RPRD1B: variants seen among roughly 807,000 people sequenced by gnomAD.
The protein encoded by RPRD1B is regulation of nuclear pre-mRNA domain-containing protein 1B.
Under a neutral mutation model 41.5 loss-of-function variants are expected in RPRD1B, and 11 were observed. The ratio of observed to expected loss-of-function variants is 0.27; its 90% confidence interval spans 0.17 to 0.44. RPRD1B has a LOEUF of 0.44. Ranked by LOEUF, RPRD1B falls within the 20% of genes least tolerant of loss-of-function variation. The probability of loss-of-function intolerance (pLI) is 1.00; values close to 1 mark genes in which losing one functional copy is unlikely to be tolerated. For synonymous variants in RPRD1B, 158 were observed against 155.6 expected, an observed-to-expected ratio of 1.02 and a Z score of -0.12; for missense variants, 248 against 389.9, an observed-to-expected ratio of 0.64 and a Z score of 3.06.
chr20:38,052,752 G>GTTT (rs146687415), intron 3 of RPRD1B, among the ~76,000 whole-genome samples: 6 of 81,696 alleles, frequency 7.3e-5, no homozygotes, highest in East Asian at 3.9e-4. Context: ...CAAACGCGGT[G>GTTT]TTTTTTTTTT....
intron 6 of RPRD1B, among the ~76,000 whole-genome samples, chr20:38,088,282 T>C (rs1333329840): frequency 6.6e-6 from 1 of 152,254 alleles, no homozygotes; most frequent in Non-Finnish European, 1.5e-5. Context: ...AGACATTCTC[T>C]AGCTTCTACT....
rs534678671 is a variant in RPRD1B at position 38,078,015 on chromosome 20, A to G, written c.832-11711A>G. On this transcript the variant is annotated intron_variant, in intron 6 of 6. Coordinates refer to ENST00000373433, the MANE Select transcript of RPRD1B (RefSeq NM_021215.4). ...ACATGGCAAAACCCCGTCTCTATCA[A>G]AAATTAAAAAATTAGCTGGGCATCG... Among the ~76,000 whole-genome samples the G allele has an allele frequency of 3.3e-5, 5 of 152,168 alleles. No homozygotes were observed. The East Asian group carries it at 9.7e-4, about 29-fold the overall frequency.
At position 38,072,066 on chromosome 20, in the gene RPRD1B, T is replaced by C. The variant is rs1336454820; in HGVS notation, c.831+5810T>C. Among the ~76,000 whole-genome samples, 3 of 152,216 alleles carry C rather than the reference T, an allele frequency of 2.0e-5. No individual in the cohort carries two copies. In the East Asian group the frequency reaches 5.8e-4, roughly 29 times the overall value. On this transcript the variant is annotated intron_variant, in intron 6 of 6. Transcript: ENST00000373433. ...TTGTGGTTGTTGCTCATGCTTTTGG[T>C]GTCACATGTAATAATCTGTTGCCAA...
intron 2 of RPRD1B, among the ~76,000 whole-genome samples, chr20:38,043,025 T>C (rs1219960993): frequency 1.3e-5 from 2 of 152,204 alleles, no homozygotes; most frequent in African/African-American, 4.8e-5. Flanking sequence ...TCATTCAACA[T>C]GTATTGGAGT....
At chr20:38,060,218 A>C (rs2074283540) in intron 5 of RPRD1B, among the ~76,000 whole-genome samples, 1 of 152,232 alleles carries the variant, frequency 6.6e-6, no homozygotes, top group South Asian at 2.1e-4. Context: ...CCAAGGTCAC[A>C]CAAGTAGTGG....
At chr20:38,044,406 C>T (rs1276239321) in intron 2 of RPRD1B, among the ~76,000 whole-genome samples, 1 of 135,646 alleles carries the variant, frequency 7.4e-6, no homozygotes, top group Non-Finnish European at 1.5e-5. Flanking sequence ...CGGAGTCTCA[C>T]TCTGTCGCCC....
In RPRD1B at chr20:38,070,237, G is replaced by T. The variant is rs1053304628; in HGVS notation, c.831+3981G>T. ...ACTTTTGCTTCAGGGTGTCATGATT[G>T]ACTTTGGCCTATGATGTTGGCCCTT... On this transcript the variant is annotated intron_variant, in intron 6 of 6. Transcript: ENST00000373433. 4 of 985,144 alleles carry T rather than the reference G, an allele frequency of 4.1e-6. No individual in the cohort carries two copies. In the African/African-American group the frequency reaches 5.2e-5, roughly 13 times the overall value. 61.0% of individuals were successfully genotyped at this position (985,144 alleles called of 1,614,324 possible).
intron 6 of RPRD1B, among the ~76,000 whole-genome samples, chr20:38,079,061 T>C (rs1226526603): frequency 6.6e-6 from 1 of 151,540 alleles, no homozygotes; most frequent in Non-Finnish European, 1.5e-5. Context: ...ATGGGAGGGG[T>C]GAGTGTTCTT....
chr20:38,069,333 C>G (rs1412687571), intron 6 of RPRD1B, among the ~76,000 whole-genome samples: 1 of 152,160 alleles, frequency 6.6e-6, no homozygotes, highest in East Asian at 1.9e-4. Context: ...AACCAAACCA[C>G]TTGATCGTAC....
chr20:38,082,145 CTTTATATG>C (rs2074518480), intron 6 of RPRD1B, among the ~76,000 whole-genome samples: 1 of 152,064 alleles, frequency 6.6e-6, no homozygotes. Flanking sequence ...ACCAGCTCTT[CTTTATATG>C]TCTGGTAGAT....
At chr20:38,062,566 C>T (rs1181757378) in intron 5 of RPRD1B, among the ~76,000 whole-genome samples, 5 of 152,112 alleles carry the variant, frequency 3.3e-5, no homozygotes, top group Admixed American at 1.3e-4. Flanking sequence ...CTCATCATTC[C>T]TGTTGATTGG....
chr20:38,039,082 A>G (rs1219706703), intron 1 of RPRD1B, among the ~76,000 whole-genome samples: 4 of 152,250 alleles, frequency 2.6e-5, no homozygotes, highest in African/African-American at 7.2e-5. Flanking sequence ...CATAGAAGCC[A>G]GGGAATTCAG....
At chr20:38,081,181 A>ATTTTTCCTATCCATGAGCATAGAAG (rs148753169) in intron 6 of RPRD1B, among the ~76,000 whole-genome samples, 36,115 of 151,040 alleles carry the variant, frequency 0.24, 5,324 homozygotes, top group African/African-American at 0.43. Context: ...AACAATATTG[A>ATTTTTCCTATCCATGAGCATAGAAG]TTTTTCCTAT....
At chr20:38,038,169 G>C (rs189169789) in intron 1 of RPRD1B, among the ~76,000 whole-genome samples, 93 of 152,252 alleles carry the variant, frequency 6.1e-4, no homozygotes, top group African/African-American at 2.2e-3. Context: ...TCTAAACTAG[G>C]TTATTACCAG....
intron 3 of RPRD1B, among the ~76,000 whole-genome samples, chr20:38,049,378 T>C (rs1320970491): frequency 5.7e-5 from 8 of 140,992 alleles, no homozygotes; most frequent in Admixed American, 2.1e-4. Context: ...TTTTTTTTTT[T>C]TTTTTTTTTT....
Position 38,089,982 on chromosome 20 carries a change from GC to G in RPRD1B, c.*113del. On this transcript the variant is annotated 3_prime_UTR_variant, in exon 7 of 7. Transcript: ENST00000373433. ...CTGGTTCTATCCCTTCTTCCGCCCA[GC>G]CCCCCAGCCTCAAGAAAGAACCTCA... 1 of 1,491,660 alleles carries G rather than the reference GC, an allele frequency of 6.7e-7. No individual in the cohort carries two copies. The highest frequency in any genetic ancestry group is 1.4e-5 in the South Asian group (1 of 71,664). 92.4% of individuals were successfully genotyped at this position (1,491,660 alleles called of 1,614,324 possible). A position where few individuals can be genotyped will look rare whatever the true frequency, so the allele number is the denominator to read the frequency against.
intron 2 of RPRD1B, among the ~76,000 whole-genome samples, chr20:38,046,044 C>G (rs1024072848): frequency 8.5e-5 from 13 of 152,182 alleles, no homozygotes; most frequent in African/African-American, 3.1e-4. Flanking sequence ...ACTCCTTTCC[C>G]TTTGCCTTGT....
intron 6 of RPRD1B, among the ~76,000 whole-genome samples, chr20:38,075,514 G>C (rs920578219): frequency 1.3e-5 from 2 of 152,192 alleles, no homozygotes; most frequent in Non-Finnish European, 2.9e-5. Flanking sequence ...GTTTGACCTA[G>C]TGGGTGCAAG....
intron 3 of RPRD1B, 69 bp downstream of exon 3, chr20:38,048,550 CAGTGGGGTTT>C: frequency 6.5e-7 from 1 of 1,539,686 alleles, no homozygotes; most frequent in East Asian, 2.3e-5. Context: ...TGAAAAGCTG[CAGTGGGGTTT>C]GCTGTGAACC....
Sources: gnomAD v4.1 joint callset for allele counts (sites outside exome capture counted in the v4.1 genomes callset) on GRCh38, gnomAD v4.1.1 for gene constraint, MANE v1.5 for transcripts, NCBI Gene and HGNC (gene_info 2026-07-23, HGNC 2026-07-21) for gene names.